The following TBC1D22A variants were observed in gnomAD, a reference collection of about 807,000 sequenced individuals.
TBC1D22A encodes the protein putative GTPase activator.
A neutral mutation model predicts 60.2 loss-of-function variants in TBC1D22A; 38 were observed. That is an observed-to-expected ratio of 0.63 (90% CI 0.49 to 0.83). The LOEUF is 0.83. TBC1D22A is among the 40% of genes least tolerant of loss of function. The pLI is 0.00. For missense variants in TBC1D22A, 628 were observed against 701.0 expected, an observed-to-expected ratio of 0.90 and a Z score of 1.18; for synonymous variants, 302 against 281.7, an observed-to-expected ratio of 1.07 and a Z score of -0.72.
chr22:46,797,421 C>T, intron 3 of TBC1D22A, 23 bp from the exon 4 acceptor site: 1 of 1,611,744 alleles, frequency 6.2e-7, no homozygotes, highest in Non-Finnish European at 8.5e-7. Context: ...CTCACCCTCA[C>T]CCCCATTCTC....
At chr22:46,938,442 A>G (rs748726439) in intron 8 of TBC1D22A, among the ~76,000 whole-genome samples, 8 of 152,132 alleles carry the variant, frequency 5.3e-5, no homozygotes, top group Non-Finnish European at 1.2e-4. Context: ...TAGACGAGTG[A>G]TGCATTTCTC....
intron 12 of TBC1D22A, among the ~76,000 whole-genome samples, chr22:47,132,092 G>C (rs1455702611): frequency 2.0e-5 from 3 of 152,194 alleles, no homozygotes; most frequent in Admixed American, 1.3e-4. Flanking sequence ...ACATCCTTGA[G>C]GGCCATGATC....
rs539523723 is a variant in TBC1D22A, at chr22:46,821,764, G to A, written c.637+24144G>A. 5.9e-5 allele frequency among the ~76,000 whole-genome samples: 9 copies of A among 152,120 alleles called. No individual in the cohort carries two copies. The South Asian group carries it at 1.0e-3, about 18-fold the overall frequency. On this transcript the variant is annotated intron_variant, in intron 4 of 12. Transcript: ENST00000337137. ...CTTAATGGTGTTCTCTGTATTTCCC[G>A]AATTTACATGTTGGCCCGTCTTGCT... is the stretch of plus-strand genomic sequence containing the variant.
At chr22:46,801,662 C>T (rs1041656812) in intron 4 of TBC1D22A, among the ~76,000 whole-genome samples, 4 of 152,244 alleles carry the variant, frequency 2.6e-5, no homozygotes, top group African/African-American at 9.6e-5. Flanking sequence ...CTAGGGCCTG[C>T]CTCGCAGCAG....
intron 3 of TBC1D22A, among the ~76,000 whole-genome samples, chr22:46,796,319 A>G (rs901601976): frequency 1.3e-4 from 19 of 151,824 alleles, no homozygotes; most frequent in Non-Finnish European, 2.5e-4. Context: ...TGTGTGAATT[A>G]TTTTCCCCCA....
At chr22:46,983,366 G>C (rs1018777786) in intron 9 of TBC1D22A, among the ~76,000 whole-genome samples, 1 of 152,246 alleles carries the variant, frequency 6.6e-6, no homozygotes, top group African/African-American at 2.4e-5. Context: ...CAGAATTTCT[G>C]TGTTTTCTTC....
intron 11 of TBC1D22A, among the ~76,000 whole-genome samples, chr22:47,107,610 T>A (rs1187929063): frequency 6.6e-6 from 1 of 152,218 alleles, no homozygotes; most frequent in East Asian, 1.9e-4. Flanking sequence ...TATATCATGG[T>A]CATGAGTCAG....
At chr22:47,069,697 C>A (rs199748754) in intron 11 of TBC1D22A, among the ~76,000 whole-genome samples, 1 of 134,702 alleles carries the variant, frequency 7.4e-6, no homozygotes, top group African/African-American at 2.9e-5. Context: ...TTGGTTGGAG[C>A]GGGGCTGACC....
chr22:47,126,000 G>A (rs752436248), intron 12 of TBC1D22A, among the ~76,000 whole-genome samples: 33 of 150,124 alleles, frequency 2.2e-4, no homozygotes, highest in Non-Finnish European at 4.4e-4. Flanking sequence ...GTTTTTTTTT[G>A]AGACAGAGTC....
At chr22:46,815,374 C>T (rs1601979167) in intron 4 of TBC1D22A, among the ~76,000 whole-genome samples, 1 of 152,200 alleles carries the variant, frequency 6.6e-6, no homozygotes, top group Non-Finnish European at 1.5e-5. Context: ...CCTTCGTTTC[C>T]TCTGTATCAG....
intron 12 of TBC1D22A, among the ~76,000 whole-genome samples, chr22:47,137,359 A>C (rs2066913634): frequency 1.3e-5 from 2 of 152,194 alleles, no homozygotes; most frequent in South Asian, 4.1e-4. Context: ...GGGTCCAGTC[A>C]GAGTGGACAC....
At chr22:46,874,030 T>A (rs898331569) in intron 4 of TBC1D22A, among the ~76,000 whole-genome samples, 4 of 152,212 alleles carry the variant, frequency 2.6e-5, no homozygotes, top group African/African-American at 9.6e-5. Context: ...CAGGTTGGTC[T>A]CAATCTCCTG....
intron 8 of TBC1D22A, among the ~76,000 whole-genome samples, chr22:46,930,929 T>C (rs1263177679): frequency 3.9e-5 from 6 of 152,214 alleles, no homozygotes; most frequent in African/African-American, 1.4e-4. Flanking sequence ...AACTTTACCG[T>C]ATATCTCCCT....
chr22:46,815,236 G>C (rs979588274), intron 4 of TBC1D22A, among the ~76,000 whole-genome samples: 3 of 152,250 alleles, frequency 2.0e-5, no homozygotes, highest in Non-Finnish European at 4.4e-5. Flanking sequence ...GAGCCCTGGG[G>C]CGAGGACTCG....
At chr22:47,024,137 G>C (rs1236928814) in intron 10 of TBC1D22A, among the ~76,000 whole-genome samples, 1 of 152,176 alleles carries the variant, frequency 6.6e-6, no homozygotes, top group Non-Finnish European at 1.5e-5. Context: ...CCGGGTAATC[G>C]TATCTGGAGG....
At chr22:47,056,336 C>T (rs761400738) in intron 11 of TBC1D22A, among the ~76,000 whole-genome samples, 3 of 152,050 alleles carry the variant, frequency 2.0e-5, no homozygotes, top group Non-Finnish European at 4.4e-5. Flanking sequence ...TGATTGACAG[C>T]GTTTGAGTTT....
intron 1 of TBC1D22A, among the ~76,000 whole-genome samples, chr22:46,778,963 G>C (rs1157614169): frequency 6.6e-6 from 1 of 152,150 alleles, no homozygotes; most frequent in East Asian, 1.9e-4. Flanking sequence ...AGAATCGCTT[G>C]TACCCTGGAG....
intron 11 of TBC1D22A, among the ~76,000 whole-genome samples, chr22:47,103,318 C>T (rs546424089): frequency 1.3e-5 from 2 of 152,282 alleles, no homozygotes; most frequent in South Asian, 2.1e-4. Context: ...ATGGCCAGGG[C>T]TCCTGGGAAG....
chr22:46,982,514 G>C (rs369632466), intron 9 of TBC1D22A, among the ~76,000 whole-genome samples: 2 of 152,172 alleles, frequency 1.3e-5, no homozygotes, highest in Admixed American at 6.5e-5. Flanking sequence ...GAGCCACTGC[G>C]CCCGGCCAAG....
Sources: gnomAD v4.1 joint callset for allele counts (sites outside exome capture counted in the v4.1 genomes callset) on GRCh38, gnomAD v4.1.1 for gene constraint, MANE v1.5 for transcripts, NCBI Gene and HGNC (gene_info 2026-07-23, HGNC 2026-07-21) for gene names.